Variants in ADAMTS19 observed in about 807,000 individuals in gnomAD.
The protein encoded by ADAMTS19 is A disintegrin and metalloproteinase with thrombospondin motifs 19.
ADAMTS19 carries 93 observed loss-of-function variants against 153.3 expected under a neutral mutation model. The observed-to-expected ratio is 0.61, with a 90% CI of 0.51 to 0.72. ADAMTS19 has a LOEUF of 0.72. Ranked by LOEUF, ADAMTS19 falls within the 30% of genes least tolerant of loss-of-function variation. The pLI is 0.00. For missense variants in ADAMTS19, 1,482 were observed against 1,552.1 expected (o/e 0.95, Z 0.76); for synonymous variants, 600 against 556.6 (o/e 1.08, Z -1.10).
chr5:129,490,842 T>C (rs1750741475), intron 2 of ADAMTS19, among the ~76,000 whole-genome samples: 1 of 152,174 alleles, frequency 6.6e-6, no homozygotes, highest in Non-Finnish European at 1.5e-5. Flanking sequence ...TCGCTTAGGT[T>C]GTTTTTCGAT....
chr5:129,694,682 C>G (rs757159625), intron 18 of ADAMTS19, 38 bp from the exon 19 acceptor site: 1 of 1,479,646 alleles, frequency 6.8e-7, no homozygotes, highest in Non-Finnish European at 9.0e-7. Context: ...TACATAAAGG[C>G]TTATAATAAT....
intron 21 of ADAMTS19, among the ~76,000 whole-genome samples, chr5:129,725,438 T>G (rs1292826912): frequency 6.6e-6 from 1 of 152,024 alleles, no homozygotes; most frequent in Non-Finnish European, 1.5e-5. Flanking sequence ...TTTAAGGTGC[T>G]CTTCTCTTAC....
intron 10 of ADAMTS19, among the ~76,000 whole-genome samples, chr5:129,624,232 GCA>G (rs1215567088): frequency 1.3e-5 from 2 of 151,584 alleles, no homozygotes; most frequent in Non-Finnish European, 2.9e-5. Flanking sequence ...TTTACATGTG[GCA>G]CAGTCATGGA....
intron 2 of ADAMTS19, among the ~76,000 whole-genome samples, chr5:129,491,065 G>A (rs1237216744): frequency 6.6e-6 from 1 of 151,996 alleles, no homozygotes; most frequent in Non-Finnish European, 1.5e-5. Context: ...GGTGTGGCAC[G>A]ATCTCAGCTC....
chr5:129,736,724 T>C (rs1004023013), intron 22 of ADAMTS19, among the ~76,000 whole-genome samples: 8 of 152,126 alleles, frequency 5.3e-5, no homozygotes, highest in Admixed American at 4.6e-4. Flanking sequence ...GGTAGATATA[T>C]TGAGCACATT....
intron 21 of ADAMTS19, among the ~76,000 whole-genome samples, chr5:129,720,235 G>A (rs1462948487): frequency 1.3e-5 from 2 of 149,452 alleles, no homozygotes; most frequent in Non-Finnish European, 3.0e-5. Context: ...GCAGTGGTGT[G>A]ATCTTGGCTC....
intron 7 of ADAMTS19, among the ~76,000 whole-genome samples, chr5:129,575,028 A>G (rs956343064): frequency 6.6e-6 from 1 of 152,040 alleles, no homozygotes; most frequent in Non-Finnish European, 1.5e-5. Flanking sequence ...TTAAATAGTA[A>G]TATTTAAGAG....
chr5:129,704,324 C>T lies in ADAMTS19; in HGVS notation c.3245C>T (p.Pro1082Leu). ...PRKKCVLSTR[P>L]REAEDCEDYS... ...AAGAAGTGTGTCCTCTCTACCAGAC[C>T]CAGGGAGGCTGAAGACTGTGAGGAT... The change falls in exon 21 of 23, where the codon CCC becomes CTC. Residue 1082 changes from proline to leucine, a missense_variant. Transcript: ENST00000274487. 1 of 1,614,012 alleles carries T rather than the reference C, an allele frequency of 6.2e-7. No homozygotes were observed. The highest frequency in any genetic ancestry group is 8.5e-7 in the Non-Finnish European group (1 of 1,179,980).
Position 129,738,469 on chromosome 5 carries a change from G to A in ADAMTS19, c.*1251G>A, listed in dbSNP as rs1757767295. 6.6e-6 allele frequency: 1 copy of A among 151,928 alleles called. No individual in the cohort carries two copies. Among genetic ancestry groups the A allele is most frequent in the African/African-American group, 2.4e-5 (1 of 41,396 alleles). 9.4% of individuals were successfully genotyped at this position (151,928 alleles called of 1,614,324 possible). On this transcript the variant is annotated 3_prime_UTR_variant, in exon 23 of 23. Coordinates refer to ENST00000274487, the MANE Select transcript of ADAMTS19 (RefSeq NM_133638.6). ...TGCCTTGGAAGATAGTATGTCTCTT[G>A]GGAGCAAAGGGCAAACATACTTCTC...
chr5:129,620,575 T>C, intron 8 of ADAMTS19, 43 bp from the exon 9 acceptor site: 1 of 1,414,070 alleles, frequency 7.1e-7, no homozygotes, highest in East Asian at 2.7e-5. Context: ...CAAGTAACAT[T>C]TACTTAGTGT....
intron 21 of ADAMTS19, among the ~76,000 whole-genome samples, chr5:129,716,106 A>G (rs1288474378): frequency 6.6e-6 from 1 of 152,070 alleles, no homozygotes; most frequent in South Asian, 2.1e-4. Flanking sequence ...AGTTGAGAGT[A>G]CCCTATCTTT....
rs1757717147 is a variant in ADAMTS19, at chr5:129,737,408, T to A, written c.*190T>A. 2.4e-6 allele frequency: 1 copy of A among 425,386 alleles called. No homozygotes were observed. Among genetic ancestry groups the A allele is most frequent in the Non-Finnish European group, 3.8e-6 (1 of 264,176 alleles). The allele number at this position is 425,386 out of a possible 1,614,324, so 26.4% of individuals were successfully genotyped here. On this transcript the variant is annotated 3_prime_UTR_variant, in exon 23 of 23. Coordinates refer to ENST00000274487, the MANE Select transcript of ADAMTS19 (RefSeq NM_133638.6). Reference sequence around the variant, plus strand: ...CACAAACATTTTGATTTATACTATATGGCTTCATAAATAATTTTATATGAA... The same window carrying A: ...CACAAACATTTTGATTTATACTATAAGGCTTCATAAATAATTTTATATGAA...
chr5:129,726,531 G>A (rs1344060587), intron 21 of ADAMTS19, among the ~76,000 whole-genome samples: 1 of 152,100 alleles, frequency 6.6e-6, no homozygotes, highest in Non-Finnish European at 1.5e-5. Context: ...ACTGAAAGAA[G>A]GGAGAAGGGA....
At chr5:129,499,920 G>T (rs1206148970) in intron 2 of ADAMTS19, among the ~76,000 whole-genome samples, 2 of 151,982 alleles carry the variant, frequency 1.3e-5, no homozygotes, top group African/African-American at 4.8e-5. Flanking sequence ...CCTAGTACTT[G>T]GCACTACTTG....
At position 129,479,721 on chromosome 5, in the gene ADAMTS19, C is replaced by T. The variant is rs567770675; in HGVS notation, c.747+17964C>T. On this transcript the variant is annotated intron_variant, in intron 2 of 22. Transcript: ENST00000274487. ...TACAATACTATAAAAACATGAGACACTTAAACATAAATTTAACAAAATATG... is the reference window on the plus strand; with the variant it reads ...TACAATACTATAAAAACATGAGACATTTAAACATAAATTTAACAAAATATG... Among the ~76,000 whole-genome samples the T allele has an allele frequency of 2.0e-5, 3 of 152,148 alleles. No individual in the cohort carries two copies. The South Asian group carries it at 6.2e-4, about 32-fold the overall frequency.
At position 129,718,684 on chromosome 5, in the gene ADAMTS19, T is replaced by C. The variant is rs184746871; in HGVS notation, c.3312+14293T>C. ...TTTCCTTATGAGGTCCTCTCTCCAC[T>C]GTGAATGCTATTTCTTGTTAAACCA... On this transcript the variant is annotated intron_variant, in intron 21 of 22. Transcript: ENST00000274487. Among the ~76,000 whole-genome samples the C allele has an allele frequency of 3.4e-4, 52 of 152,296 alleles. No homozygotes were observed. The East Asian group carries it at 5.2e-3, about 15-fold the overall frequency.
At chr5:129,681,366 C>T (rs1450717965) in intron 17 of ADAMTS19, among the ~76,000 whole-genome samples, 1 of 152,126 alleles carries the variant, frequency 6.6e-6, no homozygotes, top group Non-Finnish European at 1.5e-5. Flanking sequence ...GCTTTACCAA[C>T]AGAAATAAAG....
intron 6 of ADAMTS19, among the ~76,000 whole-genome samples, chr5:129,545,632 A>G (rs1215514435): frequency 6.6e-6 from 1 of 152,052 alleles, no homozygotes; most frequent in Admixed American, 6.6e-5. Flanking sequence ...AACACATGAA[A>G]AAATGCTCAT....
At chr5:129,733,960 T>C (rs906542579) in intron 21 of ADAMTS19, among the ~76,000 whole-genome samples, 3 of 34,834 alleles carry the variant, frequency 8.6e-5, no homozygotes, top group Non-Finnish European at 1.6e-4. Flanking sequence ...TGTGTGTGTG[T>C]GTGTGTGTGT....
Sources: allele counts gnomAD v4.1 joint callset (sites outside exome capture counted in the v4.1 genomes callset), GRCh38; gene constraint gnomAD v4.1.1; transcripts MANE v1.5; gene names NCBI Gene and HGNC (gene_info 2026-07-23, HGNC 2026-07-21).